The following CLIP2 variants were observed in gnomAD, a reference collection of about 807,000 sequenced individuals.
CLIP2 encodes the protein CAP-Gly domain containing linker protein 2, also known as CAP-Gly domain-containing linker protein 2.
CLIP2 carries 41 observed loss-of-function variants against 111.7 expected under a neutral mutation model. The observed-to-expected ratio is 0.37, with a 90% CI of 0.29 to 0.48. The LOEUF (loss-of-function observed/expected upper bound fraction) is 0.48. Ranked by LOEUF, CLIP2 falls within the 20% of genes least tolerant of loss-of-function variation. The pLI, the probability that CLIP2 is intolerant of heterozygous loss-of-function variation, is 0.99. For missense variants in CLIP2, 1,160 were observed against 1,422.1 expected, an observed-to-expected ratio of 0.82 and a Z score of 2.96; for synonymous variants, 660 against 644.2, an observed-to-expected ratio of 1.02 and a Z score of -0.37.
Position 74,386,501 on chromosome 7 carries a change from GTC to G in CLIP2, c.2480-15_2480-14del, listed in dbSNP as rs781877779. On this transcript the variant is annotated intron_variant, in intron 11 of 16. Coordinates refer to ENST00000223398, the MANE Select transcript of CLIP2 (RefSeq NM_003388.5). ...TGGTCCAGGAGCATTGATGCTTCTCGTCTCTCCTCTCTCCCCTAGGCCTGCAG... is the reference window on the plus strand; with the variant it reads ...TGGTCCAGGAGCATTGATGCTTCTCGTCTCCTCTCTCCCCTAGGCCTGCAG... 9 of 1,606,160 alleles carry G rather than the reference GTC, an allele frequency of 5.6e-6. No homozygotes were observed. In the Admixed American group the frequency reaches 6.7e-5, roughly 12 times the overall value.
chr7:74,394,030 G>A (rs1486230759), intron 13 of CLIP2, among the ~76,000 whole-genome samples: 1 of 152,060 alleles, frequency 6.6e-6, no homozygotes, highest in Non-Finnish European at 1.5e-5. Flanking sequence ...GCCGCAGGAT[G>A]CCCCTCCGCT....
rs1790439305 is a variant in CLIP2, at chr7:74,364,996, TGTGTGTG to T, written c.1380+682_1380+688del. ...CTATGATTGCGCCTGTTTTTTGTTGTGTGTGTGTGTGTGTGTGTGTGTGTGTGTGTGT... is the reference window on the plus strand; with the variant it reads ...CTATGATTGCGCCTGTTTTTTGTTGTTGTGTGTGTGTGTGTGTGTGTGTGT... On this transcript the variant is annotated intron_variant, in intron 8 of 16. Transcript: ENST00000223398. 3.2e-3 allele frequency: 47 copies of T among 14,778 alleles called. 1 individual carries two copies. The highest frequency in any genetic ancestry group is 0.03 in the South Asian group (42 of 1,378). 0.9% of individuals were successfully genotyped at this position (14,778 alleles called of 1,614,324 possible). A position where few individuals can be genotyped will look rare whatever the true frequency, so the allele number is the denominator to read the frequency against.
chr7:74,372,516 C>T (rs1271123339), intron 8 of CLIP2, among the ~76,000 whole-genome samples: 1 of 150,780 alleles, frequency 6.6e-6, no homozygotes, highest in Non-Finnish European at 1.5e-5. Flanking sequence ...TGCAGGGGAA[C>T]GGGAACAGGA....
At position 74,338,460 on chromosome 7, in the gene CLIP2, A is replaced by G. The variant is rs370501810; in HGVS notation, c.134A>G (p.His45Arg). Residue 45 changes from histidine to arginine, a missense_variant, in exon 3 of 17, where the codon CAC becomes CGC. Physicochemically the swap from His to Arg is conservative, Grantham distance 29 (BLOSUM62 0). Coordinates refer to ENST00000223398, the MANE Select transcript of CLIP2 (RefSeq NM_003388.5). This position sits in a 1 kb window ranked among gnomAD's most constrained non-coding sequence, Gnocchi z 4.3. ...TCCTTCTCTGCAGGCTCCCCACTGC[A>G]CAAACAGTCATCTGGACCCTCCTCC... ...AASSKEGSPL[H>R]KQSSGPSSSP... is the part of the protein sequence containing the mutation. The G allele has an allele frequency of 2.1e-5, 34 of 1,612,654 alleles. No homozygotes were observed. The South Asian group carries it at 3.5e-4, about 17-fold the overall frequency.
chr7:74,366,840 C>T (rs1339951941), intron 8 of CLIP2, among the ~76,000 whole-genome samples: 5 of 139,960 alleles, frequency 3.6e-5, no homozygotes, highest in East Asian at 2.3e-4. Flanking sequence ...TGCGCCACTG[C>T]GCTTCAGCCT....
intron 3 of CLIP2, among the ~76,000 whole-genome samples, chr7:74,339,981 C>A (rs516993): frequency 0.61 from 92,986 of 151,890 alleles, 30,441 homozygotes; most frequent in Middle Eastern, 0.74. Flanking sequence ...GTACTCCCAG[C>A]TACTCAGGAG....
At position 74,289,671 on chromosome 7, in the gene CLIP2, C is replaced by G. The variant is rs879967050; in HGVS notation, c.-131C>G. 1.3e-5 allele frequency: 2 copies of G among 152,140 alleles called. No homozygotes were observed. The highest frequency in any genetic ancestry group is 6.5e-5 in the Admixed American group (1 of 15,270). The allele number at this position is 152,140 out of a possible 1,614,324, so 9.4% of individuals were successfully genotyped here. ...CCTCGCCCCCCAGCGCGCCCGGGCC[C>G]GAGAGGAGGAGGCCGGGGCTCTCCG... On this transcript the variant is annotated 5_prime_UTR_variant, in exon 1 of 17. Coordinates refer to ENST00000223398, the MANE Select transcript of CLIP2 (RefSeq NM_003388.5).
chr7:74,307,526 T>G (rs1227352345), intron 1 of CLIP2, among the ~76,000 whole-genome samples: 1 of 152,208 alleles, frequency 6.6e-6, no homozygotes, highest in Non-Finnish European at 1.5e-5. Flanking sequence ...AGTGTCGATC[T>G]GTCGCCCAGG....
At position 74,357,474 on chromosome 7, in the gene CLIP2, G is replaced by T. The variant is rs1554308717; in HGVS notation, c.1212G>T (p.Glu404Asp). 8.1e-6 allele frequency: 13 copies of T among 1,611,534 alleles called. No homozygotes were observed. The highest frequency in any genetic ancestry group is 1.0e-5 in the Non-Finnish European group (12 of 1,178,890). ...TTGCCCTGCTCAAGGCACAGCATGA[G>T]CAGGTGAGTGGCAGGTGGGGCTGGG... Reference protein sequence around the residue: ...KEIALLKAQHEQYVAEAEEKL... With the variant: ...KEIALLKAQHDQYVAEAEEKL... The change falls in exon 6 of 17, where the codon GAG (glutamate) becomes GAT (aspartate). Residue 404 changes from glutamate to aspartate, a missense_variant. By Grantham distance (45) the Glu-to-Asp change is conservative. This residue lies in a region of CLIP2 where 70 missense variants were observed against 114.9 expected (regional missense o/e 0.61). Coordinates refer to ENST00000223398, the MANE Select transcript of CLIP2 (RefSeq NM_003388.5).
At chr7:74,335,341 A>G (rs966272706) in intron 2 of CLIP2, among the ~76,000 whole-genome samples, 24 of 90,560 alleles carry the variant, frequency 2.7e-4, no homozygotes, top group African/African-American at 6.6e-4. Flanking sequence ...TGCAGCTGCT[A>G]TCTTAATTAT....
At chr7:74,372,594 G>C (rs1790659775) in intron 8 of CLIP2, among the ~76,000 whole-genome samples, 1 of 122,464 alleles carries the variant, frequency 8.2e-6, no homozygotes, top group Admixed American at 7.3e-5. Flanking sequence ...GTTGGGGGTT[G>C]GGGGGGACAG....
At position 74,403,996 on chromosome 7, in the gene CLIP2, C is replaced by A; in HGVS notation, c.*148C>A. On this transcript the variant is annotated 3_prime_UTR_variant, in exon 17 of 17. Coordinates refer to ENST00000223398, the MANE Select transcript of CLIP2 (RefSeq NM_003388.5). ...TAACGTACTCACCGCCGCGGACAATCCCCCACCCCGATCCCTCGCCAGACC... is the reference window on the plus strand; with the variant it reads ...TAACGTACTCACCGCCGCGGACAATACCCCACCCCGATCCCTCGCCAGACC... The A allele has an allele frequency of 1.2e-6, 1 of 857,616 alleles. No individual in the cohort carries two copies. The highest frequency in any genetic ancestry group is 1.4e-5 in the South Asian group (1 of 73,800). 53.1% of individuals were successfully genotyped at this position (857,616 alleles called of 1,614,324 possible).
chr7:74,369,416 G>A (rs1009809212), intron 8 of CLIP2, among the ~76,000 whole-genome samples: 5 of 149,262 alleles, frequency 3.3e-5, no homozygotes, highest in Admixed American at 2.0e-4. Flanking sequence ...ATGGTAGCAC[G>A]CCTGTAGTCC....
intron 10 of CLIP2, among the ~76,000 whole-genome samples, chr7:74,378,502 G>T (rs1343443151): frequency 6.6e-6 from 1 of 152,158 alleles, no homozygotes; most frequent in East Asian, 1.9e-4. Context: ...CATTTCGAGA[G>T]GCTGAGGCAG....
intron 2 of CLIP2, among the ~76,000 whole-genome samples, chr7:74,327,983 A>C (rs1789165435): frequency 1.3e-5 from 2 of 152,114 alleles, no homozygotes; most frequent in African/African-American, 2.4e-5. Flanking sequence ...TTGGAGTTCC[A>C]TTTGGTTCAG....
chr7:74,383,147 G>A (rs57394381), intron 11 of CLIP2, among the ~76,000 whole-genome samples: 9,308 of 150,916 alleles, frequency 0.062, 344 homozygotes, highest in African/African-American at 0.1. Flanking sequence ...GTTTCTTCTG[G>A]TACTTTTCTG....
At chr7:74,318,564 T>C (rs1176151846) in intron 2 of CLIP2, among the ~76,000 whole-genome samples, 1 of 151,958 alleles carries the variant, frequency 6.6e-6, no homozygotes, top group Non-Finnish European at 1.5e-5. Flanking sequence ...AATACAAAAA[T>C]TAGTCGGGCA....
intron 1 of CLIP2, among the ~76,000 whole-genome samples, chr7:74,309,899 T>G (rs1788598010): frequency 6.6e-6 from 1 of 150,900 alleles, no homozygotes; most frequent in Non-Finnish European, 1.5e-5. Flanking sequence ...TATTCTATTA[T>G]ATAAATATAC....
intron 9 of CLIP2, among the ~76,000 whole-genome samples, chr7:74,374,037 T>C (rs1237173584): frequency 1.3e-5 from 2 of 152,102 alleles, no homozygotes; most frequent in Non-Finnish European, 2.9e-5. Context: ...AGGCTTACCA[T>C]GCACGCCTGG....
Sources: allele counts gnomAD v4.1 joint callset (sites outside exome capture counted in the v4.1 genomes callset), GRCh38; gene constraint gnomAD v4.1.1; regional missense constraint gnomAD v4.1.1; non-coding constraint Gnocchi (gnomAD v3.1); transcripts MANE v1.5; gene names NCBI Gene and HGNC (gene_info 2026-07-23, HGNC 2026-07-21).